Variants in KLF8 observed in about 807,000 individuals in gnomAD.
The protein encoded by KLF8 is Krueppel-like factor 8.
In KLF8, 10 loss-of-function variants were observed where a neutral mutation model predicts 18.2. The observed-to-expected ratio is 0.55, with a 90% confidence interval of 0.34 to 0.93. KLF8 has a LOEUF of 0.93. Among genes scored for constraint, KLF8 ranks in the 40% least tolerant of loss-of-function variants. The pLI, the probability that KLF8 is intolerant of heterozygous loss-of-function variation, is 0.02. For synonymous variants in KLF8, 109 were observed against 97.3 expected, an observed-to-expected ratio of 1.12 and a Z score of -0.71; for missense variants, 264 against 277.9, an observed-to-expected ratio of 0.95 and a Z score of 0.36.
the KLF8 span, among the ~76,000 whole-genome samples, chrX:56,166,793 A>T: frequency 0.051 from 5,640 of 110,931 alleles, 356 homozygotes; most frequent in African/African-American, 0.18. Context: ...TTCCTAGGAG[A>T]GTGATTTGTT....
chrX:56,231,754 G>T (rs919561276), upstream of KLF8, among the ~76,000 whole-genome samples: 1 of 111,427 alleles, frequency 9.0e-6, no homozygotes, highest in African/African-American at 3.3e-5. Context: ...ATGCCTGGCT[G>T]AGAGGCGGTC....
chrX:56,235,416 A>ATTT lies in KLF8; in HGVS notation c.7+2090_7+2092dup, dbSNP rs58959695. Among the ~76,000 whole-genome samples, 394 of 87,662 alleles carry ATTT rather than the reference A, an allele frequency of 4.5e-3. 7 individuals are homozygous for ATTT. The highest frequency in any genetic ancestry group is 0.017 in the African/African-American group (383 of 23,014). 76.1% of individuals were successfully genotyped at this position (87,662 alleles called of 115,157 possible). On this transcript the variant is annotated intron_variant, in intron 1 of 5. Coordinates refer to ENST00000468660, the MANE Select transcript of KLF8 (RefSeq NM_007250.5). The stretch of plus-strand genomic sequence containing the variant: ...GAGATCATGTTTGGTATTCTTCCTG[A>ATTT]TTTTTTTTTTTTTTTTTGACACGGT...
chrX:55,973,114 C>T, the KLF8 span, among the ~76,000 whole-genome samples: 1 of 111,968 alleles, frequency 8.9e-6, no homozygotes, highest in Non-Finnish European at 1.9e-5. Flanking sequence ...CAATGAATAA[C>T]CTTTTCAAGT....
intron 1 of KLF8, among the ~76,000 whole-genome samples, chrX:56,248,102 G>A (rs1233667079): frequency 9.1e-6 from 1 of 110,294 alleles, no homozygotes; most frequent in African/African-American, 3.3e-5. Flanking sequence ...AATCATTGTC[G>A]TATCTATGAG....
At chrX:56,083,250 C>A in the KLF8 span, among the ~76,000 whole-genome samples, 1 of 111,738 alleles carries the variant, frequency 8.9e-6, no homozygotes, top group African/African-American at 3.2e-5. Flanking sequence ...AACATTTTAA[C>A]AAGTTATGGA....
At chrX:56,088,884 A>G in the KLF8 span, among the ~76,000 whole-genome samples, 4 of 111,822 alleles carry the variant, frequency 3.6e-5, no homozygotes, top group African/African-American at 6.5e-5. Context: ...GAAAGTAAGT[A>G]GAGAAACTTT....
In KLF8 at chrX:56,238,210, G is replaced by A. The variant is rs1237320395; in HGVS notation, c.7+4869G>A. On this transcript the variant is annotated intron_variant, in intron 1 of 5. Transcript: ENST00000468660. ...TCTAGAATTCTAGGCCGGGCGCAGT[G>A]GCTCATGCCTGTAATCCCAGGACTT... 2.7e-5 allele frequency among the ~76,000 whole-genome samples: 3 copies of A among 111,893 alleles called. No individual in the cohort carries two copies. The South Asian group carries it at 1.1e-3, about 42-fold the overall frequency.
In KLF8 at chrX:56,289,207, G is replaced by A. The variant is rs748251002; in HGVS notation, c.*4713G>A. Among the ~76,000 whole-genome samples the A allele has an allele frequency of 1.8e-5, 2 of 111,142 alleles. No homozygotes were observed. The highest frequency in any genetic ancestry group is 7.6e-4 in the South Asian group (2 of 2,627). On this transcript the variant is annotated 3_prime_UTR_variant, in exon 6 of 6. Transcript: ENST00000468660. ...TATTGCTCGAATTGTTCCAGCTTTGGCCATTGGGAGCTCTTTTGGGTGATT... is the reference window on the plus strand; with the variant it reads ...TATTGCTCGAATTGTTCCAGCTTTGACCATTGGGAGCTCTTTTGGGTGATT...
chrX:56,199,453 G>T, the KLF8 span, among the ~76,000 whole-genome samples: 1 of 112,039 alleles, frequency 8.9e-6, no homozygotes, highest in Non-Finnish European at 1.9e-5. Flanking sequence ...CATCTCAAAA[G>T]AAGACATATA....
the KLF8 span, among the ~76,000 whole-genome samples, chrX:56,086,512 G>C: frequency 1.8e-5 from 2 of 110,986 alleles, no homozygotes; most frequent in Admixed American, 1.9e-4. Context: ...GAGGAGCTTA[G>C]AGATGACAAA....
At chrX:55,972,934 C>A in the KLF8 span, among the ~76,000 whole-genome samples, 1 of 111,913 alleles carries the variant, frequency 8.9e-6, no homozygotes, top group African/African-American at 3.2e-5. Flanking sequence ...AGAAGCAAAG[C>A]CAGAGGCATC....
At chrX:56,117,199 C>T in the KLF8 span, among the ~76,000 whole-genome samples, 1 of 111,942 alleles carries the variant, frequency 8.9e-6, no homozygotes, top group Non-Finnish European at 1.9e-5. Context: ...TATAACAGTC[C>T]TAACACATTT....
At chrX:56,049,092 C>A in the KLF8 span, among the ~76,000 whole-genome samples, 1 of 111,749 alleles carries the variant, frequency 8.9e-6, no homozygotes, top group Admixed American at 9.5e-5. Context: ...CATAAGAATG[C>A]TTGTGATTTT....
chrX:56,173,910 A>G, the KLF8 span, among the ~76,000 whole-genome samples: 5 of 111,125 alleles, frequency 4.5e-5, no homozygotes, highest in African/African-American at 6.5e-5. Context: ...TGTTATTGAT[A>G]TATGAGAATG....
the KLF8 span, among the ~76,000 whole-genome samples, chrX:56,058,046 G>A: frequency 1.5e-4 from 15 of 102,447 alleles, no homozygotes; most frequent in African/African-American, 4.3e-4. Context: ...GAGTAGCCCC[G>A]CTTCCTCCGT....
chrX:56,246,127 C>A (rs1448462175), intron 1 of KLF8, among the ~76,000 whole-genome samples: 1 of 111,374 alleles, frequency 9.0e-6, no homozygotes. Flanking sequence ...TAATTGTCAG[C>A]TCTCCCTCTT....
the KLF8 span, among the ~76,000 whole-genome samples, chrX:56,127,421 C>G: frequency 1.8e-5 from 2 of 111,149 alleles, no homozygotes; most frequent in East Asian, 5.7e-4. Flanking sequence ...ATAATCCCAG[C>G]AATTTGAGGT....
chrX:56,092,347 CT>C, the KLF8 span, among the ~76,000 whole-genome samples: 1 of 111,534 alleles, frequency 9.0e-6, no homozygotes, highest in South Asian at 3.7e-4. Context: ...TTTGTCATTG[CT>C]TTTGAGGTCT....
At chrX:55,920,146 C>T in the KLF8 span, among the ~76,000 whole-genome samples, 1 of 111,728 alleles carries the variant, frequency 9.0e-6, no homozygotes, top group Non-Finnish European at 1.9e-5. Flanking sequence ...CCCCGGGTGG[C>T]TAGACCTAGA....
Sources: gnomAD v4.1 joint callset for allele counts (sites outside exome capture counted in the v4.1 genomes callset) on GRCh38, gnomAD v4.1.1 for gene constraint, MANE v1.5 for transcripts, NCBI Gene and HGNC (gene_info 2026-07-23, HGNC 2026-07-21) for gene names.